The following EPB41 variants were observed in gnomAD, a reference collection of about 807,000 sequenced individuals.
EPB41 encodes the protein protein 4.1.
Under a neutral mutation model 108.0 loss-of-function variants are expected in EPB41, and 65 were observed. The observed-to-expected ratio is 0.60, with a 90% CI of 0.49 to 0.74. The LOEUF (loss-of-function observed/expected upper bound fraction) is 0.74. Ranked by LOEUF, EPB41 falls within the 30% of genes least tolerant of loss-of-function variation. The pLI, the probability that EPB41 is intolerant of heterozygous loss-of-function variation, is 0.00. For missense variants in EPB41, 875 were observed against 1,037.0 expected, an observed-to-expected ratio of 0.84 and a Z score of 2.15; for synonymous variants, 336 against 358.9, an observed-to-expected ratio of 0.94 and a Z score of 0.72.
chr1:28,896,825 C>CAGTA (rs55747231), intron 1 of EPB41, among the ~76,000 whole-genome samples: 5 of 151,466 alleles, frequency 3.3e-5, no homozygotes, highest in African/African-American at 4.9e-5. Flanking sequence ...GGATAAGGAG[C>CAGTA]AGCGATGTGA....
intron 1 of EPB41, among the ~76,000 whole-genome samples, chr1:28,928,213 C>T (rs2093558459): frequency 6.6e-6 from 1 of 152,024 alleles, no homozygotes; most frequent in Non-Finnish European, 1.5e-5. Context: ...ACTTGACCCA[C>T]AACACATATG....
chr1:28,907,750 C>G (rs897040371), intron 1 of EPB41, among the ~76,000 whole-genome samples: 1 of 152,058 alleles, frequency 6.6e-6, no homozygotes, highest in African/African-American at 2.4e-5. Flanking sequence ...GTAGCTGGGA[C>G]CACAGGCAGG....
intron 1 of EPB41, among the ~76,000 whole-genome samples, chr1:28,944,534 GTTTTTTTTTTTTT>G (rs55849161): frequency 6.3e-4 from 61 of 97,426 alleles, no homozygotes; most frequent in African/African-American, 2.4e-3. Flanking sequence ...CTCAGATCTG[GTTTTTTTTTTTTT>G]TTTTTTTTTT....
chr1:29,091,556 G>A (rs1356897109), intron 16 of EPB41, among the ~76,000 whole-genome samples: 2 of 152,030 alleles, frequency 1.3e-5, no homozygotes, highest in Non-Finnish European at 2.9e-5. Flanking sequence ...CTCATTGGTT[G>A]GTTGAATTAA....
intron 1 of EPB41, among the ~76,000 whole-genome samples, chr1:28,927,400 G>A (rs1401253873): frequency 6.6e-6 from 1 of 152,110 alleles, no homozygotes; most frequent in Admixed American, 6.6e-5. Flanking sequence ...GAAGCATGGA[G>A]TTTTTTGTTG....
intron 1 of EPB41, among the ~76,000 whole-genome samples, chr1:28,917,982 T>A (rs2092807865): frequency 6.6e-6 from 1 of 152,146 alleles, no homozygotes; most frequent in African/African-American, 2.4e-5. Flanking sequence ...TTTAATGTAG[T>A]AATCCAGTTT....
chr1:29,040,823 A>C (rs900708308), intron 11 of EPB41, among the ~76,000 whole-genome samples: 2 of 152,022 alleles, frequency 1.3e-5, no homozygotes, highest in African/African-American at 4.8e-5. Flanking sequence ...TTATGTCACT[A>C]AAAAAAGAGT....
chr1:28,982,100 T>G lies in EPB41; in HGVS notation c.-7-5331T>G, dbSNP rs376498291. ...TGATGTTCCCCTTCCTGTGTCCATGTGTTCTCGTTGTTCAATTCCCACCTA... is the reference window on the plus strand; with the variant it reads ...TGATGTTCCCCTTCCTGTGTCCATGGGTTCTCGTTGTTCAATTCCCACCTA... On this transcript the variant is annotated intron_variant, in intron 1 of 20. Transcript: ENST00000343067. 4.0e-5 allele frequency among the ~76,000 whole-genome samples: 6 copies of G among 151,866 alleles called. 1 individual carries two copies. In the South Asian group the frequency reaches 1.3e-3, roughly 32 times the overall value.
intron 17 of EPB41, among the ~76,000 whole-genome samples, chr1:29,100,282 A>G (rs1401096552): frequency 7.1e-6 from 1 of 139,998 alleles, no homozygotes; most frequent in Non-Finnish European, 1.6e-5. Context: ...CAGCCTGACC[A>G]ACATAGAGAA....
intron 1 of EPB41, among the ~76,000 whole-genome samples, chr1:28,899,080 T>C (rs2091014814): frequency 6.6e-6 from 1 of 152,278 alleles, no homozygotes; most frequent in Admixed American, 6.5e-5. Context: ...CAAGTGTCTG[T>C]CAGTGCAAGA....
intron 1 of EPB41, among the ~76,000 whole-genome samples, chr1:28,960,959 T>C (rs1235135664): frequency 7.1e-6 from 1 of 140,086 alleles, no homozygotes; most frequent in African/African-American, 2.7e-5. Flanking sequence ...ACTTGAACTC[T>C]GGAGGCGGAG....
At chr1:28,894,911 C>T (rs754521401) in intron 1 of EPB41, among the ~76,000 whole-genome samples, 2 of 152,148 alleles carry the variant, frequency 1.3e-5, no homozygotes, top group Non-Finnish European at 2.9e-5. Flanking sequence ...GCTCACCCAG[C>T]TGGGACTGGA....
intron 2 of EPB41, among the ~76,000 whole-genome samples, chr1:28,989,151 T>A (rs2095945330): frequency 1.3e-5 from 2 of 152,228 alleles, no homozygotes. Context: ...CTTCTTTAAC[T>A]AGAGCATATT....
chr1:29,097,820 A>T lies in EPB41; in HGVS notation c.2198A>T (p.Lys733Met). 1 of 1,614,030 alleles carries T rather than the reference A, an allele frequency of 6.2e-7. No individual in the cohort carries two copies. Among genetic ancestry groups the T allele is most frequent in the Non-Finnish European group, 8.5e-7 (1 of 1,179,904 alleles). ...ACTGCTTCACAGCCTCCCCTGGTGA[A>T]GACACAAACTGTCACCATCTCAGAT... ...IPTGEGPPLVKTQTVTISDNA... is the reference protein window; with the variant it reads ...IPTGEGPPLVMTQTVTISDNA... The change falls in exon 17 of 21, where the codon AAG (lysine) becomes ATG (methionine). Residue 733 changes from lysine (K) to methionine (M), a missense_variant. Physicochemically the swap from Lys to Met is moderately conservative, Grantham distance 95. Coordinates refer to ENST00000343067, the MANE Select transcript of EPB41 (RefSeq NM_001376013.1).
At chr1:28,894,785 A>T (rs1005108447) in intron 1 of EPB41, among the ~76,000 whole-genome samples, 3 of 152,168 alleles carry the variant, frequency 2.0e-5, no homozygotes, top group Non-Finnish European at 4.4e-5. Context: ...GAAGGAGTTG[A>T]TGAGAAGAGC....
intron 1 of EPB41, among the ~76,000 whole-genome samples, chr1:28,930,335 A>AT (rs1231721014): frequency 1.3e-5 from 2 of 150,962 alleles, no homozygotes; most frequent in Non-Finnish European, 3.0e-5. Flanking sequence ...AAAAAAAAAA[A>AT]AATTTTTTTT....
chr1:29,070,737 T>A, intron 16 of EPB41: 1 of 1,208,662 alleles, frequency 8.3e-7, no homozygotes, highest in Non-Finnish European at 1.0e-6. Flanking sequence ...GGGGAGCTCT[T>A]GTGATCATTT....
At chr1:28,889,695 T>G in intron 1 of EPB41, 33 of 502,454 alleles carry the variant, frequency 6.6e-5, no homozygotes, top group Non-Finnish European at 8.2e-5. Context: ...GGCTGCAGGG[T>G]GAGACAGAGG....
At chr1:29,011,233 T>C (rs923993506) in intron 4 of EPB41, among the ~76,000 whole-genome samples, 2 of 150,780 alleles carry the variant, frequency 1.3e-5, no homozygotes, top group Non-Finnish European at 3.0e-5. Flanking sequence ...GGTGTGGTCG[T>C]GGGCACCTGT....
Sources: gnomAD v4.1 joint callset for allele counts (sites outside exome capture counted in the v4.1 genomes callset) on GRCh38, gnomAD v4.1.1 for gene constraint, MANE v1.5 for transcripts, NCBI Gene and HGNC (gene_info 2026-07-23, HGNC 2026-07-21) for gene names.